The following CACNA1C variants were observed in gnomAD, a reference collection of about 807,000 sequenced individuals.
CACNA1C encodes calcium voltage-gated channel subunit alpha1 C, also known as voltage-dependent L-type calcium channel subunit alpha-1C.
CACNA1C carries 30 observed loss-of-function variants against 229.0 expected under a neutral mutation model. That is an observed-to-expected ratio of 0.13 (90% CI 0.10 to 0.18). The LOEUF (loss-of-function observed/expected upper bound fraction) is 0.18. Ranked by LOEUF, CACNA1C falls within the 10% of genes least tolerant of loss-of-function variation. CACNA1C has a pLI of 1.00. For missense variants in CACNA1C, 1,658 were observed against 2,845.0 expected (o/e 0.58, Z 9.49); for synonymous variants, 1,114 against 1,132.5 (o/e 0.98, Z 0.33).
intron 3 of CACNA1C, among the ~76,000 whole-genome samples, chr12:2,325,616 C>T (rs1241145661): frequency 6.6e-6 from 1 of 152,254 alleles, no homozygotes; most frequent in Non-Finnish European, 1.5e-5. Context: ...GTTACGCACA[C>T]AAAGTGCACA....
At chr12:2,294,174 G>A (rs927048551) in intron 3 of CACNA1C, among the ~76,000 whole-genome samples, 2 of 152,138 alleles carry the variant, frequency 1.3e-5, no homozygotes, top group Middle Eastern at 3.2e-3. Flanking sequence ...CATAATTTAG[G>A]ACAGAGGAAG....
chr12:2,042,291 C>CA (rs142595341), intron 1 of CACNA1C, among the ~76,000 whole-genome samples: 7,668 of 151,924 alleles, frequency 0.05, 265 homozygotes, highest in Non-Finnish European at 0.072. Context: ...TACTCTGCAA[C>CA]AAAAAGAGGC....
At chr12:2,038,400 G>A (rs1388379587) in intron 1 of CACNA1C, among the ~76,000 whole-genome samples, 1 of 152,150 alleles carries the variant, frequency 6.6e-6, no homozygotes, top group African/African-American at 2.4e-5. Flanking sequence ...CTATGTAACA[G>A]ACTGGACCCC....
At chr12:2,052,893 C>CCGGGCGGGCGGGCGGGCGGGCGGG (rs530020760), upstream of CACNA1C, 1 of 732,180 alleles carries the variant, frequency 1.4e-6, no homozygotes. Context: ...CTCCGGCGCG[C>CCGGGCGGGCGGGCGGGCGGGCGGG]CGGGCGGGCG....
chr12:2,516,399 A>G (rs945690206), intron 9 of CACNA1C, among the ~76,000 whole-genome samples: 1 of 152,144 alleles, frequency 6.6e-6, no homozygotes, highest in Admixed American at 6.5e-5. Flanking sequence ...TGGGTATTTA[A>G]TTGCTATTGA....
intron 4 of CACNA1C, among the ~76,000 whole-genome samples, chr12:2,452,994 C>T (rs2099392308): frequency 6.6e-6 from 1 of 152,182 alleles, no homozygotes; most frequent in African/African-American, 2.4e-5. Context: ...GATTCAAGGC[C>T]TCACCAGCTA....
chr12:2,120,691 TG>T (rs1362741026), intron 3 of CACNA1C, among the ~76,000 whole-genome samples: 52 of 151,456 alleles, frequency 3.4e-4, no homozygotes, highest in African/African-American at 1.2e-3. Flanking sequence ...TGTGTGTGTG[TG>T]TGTGTTTAGT....
chr12:2,477,711 C>G (rs768171742), intron 5 of CACNA1C, among the ~76,000 whole-genome samples: 3 of 152,142 alleles, frequency 2.0e-5, no homozygotes, highest in Non-Finnish European at 2.9e-5. Flanking sequence ...CACAGCCTCT[C>G]CGAGTGGTCC....
intron 3 of CACNA1C, among the ~76,000 whole-genome samples, chr12:2,261,201 C>T (rs1054416824): frequency 6.6e-6 from 1 of 151,406 alleles, no homozygotes; most frequent in African/African-American, 2.4e-5. Flanking sequence ...CACTGCACTC[C>T]AGCCTGGGTG....
chr12:2,289,219 A>G (rs1195652926), intron 3 of CACNA1C, among the ~76,000 whole-genome samples: 2 of 152,180 alleles, frequency 1.3e-5, no homozygotes, highest in Admixed American at 6.5e-5. Context: ...GTCGAGGCAC[A>G]TGCCAAAAAG....
At chr12:2,328,519 T>A (rs1417746653) in intron 3 of CACNA1C, among the ~76,000 whole-genome samples, 1 of 152,216 alleles carries the variant, frequency 6.6e-6, no homozygotes, top group Non-Finnish European at 1.5e-5. Context: ...ATTGTCTGCT[T>A]TTGTTCATTC....
intron 5 of CACNA1C, among the ~76,000 whole-genome samples, chr12:2,483,313 A>G: frequency 6.6e-6 from 1 of 152,244 alleles, no homozygotes; most frequent in South Asian, 2.1e-4. Flanking sequence ...ACTTTCAGCT[A>G]CAAAGTGACA....
chr12:2,021,607 G>GCAGTAAGATATCTTGAAAAGAGC (rs2046462713), intron 1 of CACNA1C, among the ~76,000 whole-genome samples: 1 of 151,920 alleles, frequency 6.6e-6, no homozygotes, highest in Non-Finnish European at 1.5e-5. Context: ...TTGAACCCGG[G>GCAGTAAGATATCTTGAAAAGAGC]AGGTGGAGGT....
intron 29 of CACNA1C, among the ~76,000 whole-genome samples, chr12:2,626,639 T>G (rs936359001): frequency 2.0e-5 from 3 of 152,142 alleles, no homozygotes; most frequent in African/African-American, 7.2e-5. Flanking sequence ...TGGAGGCACC[T>G]TTGCAGAAAA....
intron 4 of CACNA1C, among the ~76,000 whole-genome samples, chr12:2,453,159 G>C (rs1027751751): frequency 6.6e-6 from 1 of 152,132 alleles, no homozygotes; most frequent in Non-Finnish European, 1.5e-5. Context: ...CTCTGGACTA[G>C]AGGAGCCAGA....
chr12:2,588,044 G>T (rs2063327444), intron 18 of CACNA1C, among the ~76,000 whole-genome samples: 1 of 152,176 alleles, frequency 6.6e-6, no homozygotes, highest in African/African-American at 2.4e-5. Flanking sequence ...GTGCTTCCCA[G>T]CTCTTCCTGC....
In CACNA1C at chr12:2,639,396, C is replaced by T. The variant is rs1479918146; in HGVS notation, c.3912+5016C>T. On this transcript the variant is annotated intron_variant, in intron 30 of 46. Coordinates refer to ENST00000399655, the MANE Select transcript of CACNA1C (RefSeq NM_000719.7). The surrounding 1 kb of genome is among the most constrained non-coding windows in gnomAD (Gnocchi z 4.2). ...GACTGCTTGGGCCAACAGCCTTTCC[C>T]GACACACTTCTTTTTCATTTTGTAT... Among the ~76,000 whole-genome samples, 3 of 152,184 alleles carry T rather than the reference C, an allele frequency of 2.0e-5. No homozygotes were observed. The highest frequency in any genetic ancestry group is 2.9e-5 in the Non-Finnish European group (2 of 68,048).
chr12:2,027,062 A>G (rs2047453364), intron 1 of CACNA1C, among the ~76,000 whole-genome samples: 2 of 152,206 alleles, frequency 1.3e-5, no homozygotes, highest in African/African-American at 2.4e-5. Flanking sequence ...ATTAAATTAA[A>G]ATGGTTATTT....
rs141433958 is a variant in CACNA1C, at chr12:2,522,107, G to A, written c.1390+9123G>A. ...CACCTGTTTCCTCCCCTGCTCCTCC[G>A]TGGCCTCCTAGCCCAGGTCGAAGAG... On this transcript the variant is annotated intron_variant, in intron 9 of 46. Coordinates refer to ENST00000399655, the MANE Select transcript of CACNA1C (RefSeq NM_000719.7). 4.6e-4 allele frequency among the ~76,000 whole-genome samples: 70 copies of A among 152,150 alleles called. No individual in the cohort carries two copies. In the East Asian group the frequency reaches 0.011, roughly 24 times the overall value.
Sources: gnomAD v4.1 joint callset for allele counts (sites outside exome capture counted in the v4.1 genomes callset) on GRCh38, gnomAD v4.1.1 for gene constraint, Gnocchi (gnomAD v3.1) non-coding constraint, MANE v1.5 for transcripts, NCBI Gene and HGNC (gene_info 2026-07-23, HGNC 2026-07-21) for gene names.